ARHGAP15: variants seen among roughly 807,000 people sequenced by gnomAD.
ARHGAP15 encodes rho GTPase-activating protein 15.
Under a neutral mutation model 63.7 loss-of-function variants are expected in ARHGAP15, and 51 were observed. The ratio of observed to expected loss-of-function variants is 0.80; its 90% CI spans 0.64 to 1.01. The LOEUF (loss-of-function observed/expected upper bound fraction) is 1.01. ARHGAP15 is among the 50% of genes least tolerant of loss of function. ARHGAP15 has a pLI of 0.00. For synonymous variants in ARHGAP15, 191 were observed against 193.8 expected (o/e 0.99, Z 0.12); for missense variants, 560 against 564.6 (o/e 0.99, Z 0.08).
chr2:143,443,026 A>G (rs1258698160), intron 8 of ARHGAP15, among the ~76,000 whole-genome samples: 1 of 152,164 alleles, frequency 6.6e-6, no homozygotes, highest in Non-Finnish European at 1.5e-5. Context: ...CTTTCTGGGA[A>G]CTATGTAATT....
At chr2:143,329,351 T>G (rs1257185689) in intron 6 of ARHGAP15, among the ~76,000 whole-genome samples, 1 of 152,194 alleles carries the variant, frequency 6.6e-6, no homozygotes, top group Non-Finnish European at 1.5e-5. Flanking sequence ...AGTCTAGATG[T>G]GAGAGACAAT....
intron 8 of ARHGAP15, among the ~76,000 whole-genome samples, chr2:143,472,818 T>G (rs1007958093): frequency 5.9e-5 from 9 of 152,134 alleles, no homozygotes; most frequent in African/African-American, 2.2e-4. Context: ...ACCAAGATCT[T>G]TTTATCCTTA....
At chr2:143,417,437 T>A (rs1688737981) in intron 6 of ARHGAP15, among the ~76,000 whole-genome samples, 1 of 152,030 alleles carries the variant, frequency 6.6e-6, no homozygotes, top group African/African-American at 2.4e-5. Context: ...ATGAGAGGGG[T>A]GGTTTCAGAT....
In ARHGAP15 at chr2:143,407,231, G is replaced by A. The variant is rs565345007; in HGVS notation, c.475-28370G>A. Among the ~76,000 whole-genome samples the A allele has an allele frequency of 2.6e-5, 4 of 151,870 alleles. No individual in the cohort carries two copies. In the East Asian group the frequency reaches 5.8e-4, roughly 22 times the overall value. ...TTCTTAGTTTAATCTCTTGTGAATAGTGTATTGATAGATATCTCTCTCTCT... is the reference window on the plus strand; with the variant it reads ...TTCTTAGTTTAATCTCTTGTGAATAATGTATTGATAGATATCTCTCTCTCT... On this transcript the variant is annotated intron_variant, in intron 6 of 13. Coordinates refer to ENST00000295095, the MANE Select transcript of ARHGAP15 (RefSeq NM_018460.4).
intron 11 of ARHGAP15, among the ~76,000 whole-genome samples, chr2:143,623,906 G>A (rs1217995856): frequency 6.6e-6 from 1 of 152,064 alleles, no homozygotes; most frequent in African/African-American, 2.4e-5. Flanking sequence ...CTGTCTCTTT[G>A]TGTCTCTTGT....
intron 11 of ARHGAP15, among the ~76,000 whole-genome samples, chr2:143,566,919 G>C (rs544162807): frequency 2.0e-5 from 3 of 150,042 alleles, no homozygotes; most frequent in Admixed American, 2.0e-4. Context: ...ACAGAGTCTC[G>C]CTCTGTCGCC....
intron 2 of ARHGAP15, among the ~76,000 whole-genome samples, chr2:143,193,192 G>T (rs936937651): frequency 5.3e-5 from 8 of 152,192 alleles, no homozygotes; most frequent in African/African-American, 1.9e-4. Context: ...ATTGTCACTT[G>T]TAGTATTATG....
chr2:143,450,351 G>A (rs962870901), intron 8 of ARHGAP15, among the ~76,000 whole-genome samples: 8 of 151,638 alleles, frequency 5.3e-5, no homozygotes, highest in Admixed American at 4.6e-4. Flanking sequence ...AGGTCATTAT[G>A]GAATCATAAG....
intron 6 of ARHGAP15, among the ~76,000 whole-genome samples, chr2:143,308,473 A>G (rs111308709): frequency 5.6e-5 from 4 of 71,786 alleles, no homozygotes; most frequent in Admixed American, 1.7e-4. Context: ...TTGAGTTGAT[A>G]AGAAACACAC....
intron 12 of ARHGAP15, among the ~76,000 whole-genome samples, chr2:143,637,802 A>G (rs910392600): frequency 2.0e-5 from 3 of 152,054 alleles, no homozygotes; most frequent in Admixed American, 6.6e-5. Flanking sequence ...ACAAATCTAC[A>G]TGAAAAAAAC....
At chr2:143,272,578 A>G (rs1443341942) in intron 6 of ARHGAP15, among the ~76,000 whole-genome samples, 3 of 152,166 alleles carry the variant, frequency 2.0e-5, no homozygotes, top group African/African-American at 7.2e-5. Context: ...GCTTGATCCC[A>G]GGAGACAGAG....
intron 10 of ARHGAP15, among the ~76,000 whole-genome samples, chr2:143,549,551 G>A (rs1270195818): frequency 6.6e-6 from 1 of 152,256 alleles, no homozygotes; most frequent in South Asian, 2.1e-4. Context: ...GGGCAGTAAA[G>A]AAAGTAATTC....
intron 3 of ARHGAP15, among the ~76,000 whole-genome samples, chr2:143,207,685 T>C (rs970976559): frequency 2.0e-5 from 3 of 152,106 alleles, no homozygotes; most frequent in African/African-American, 7.2e-5. Context: ...GAATTGAATT[T>C]CTTACTTACT....
At chr2:143,605,216 T>C (rs944748696) in intron 11 of ARHGAP15, among the ~76,000 whole-genome samples, 7 of 152,276 alleles carry the variant, frequency 4.6e-5, no homozygotes, top group African/African-American at 1.7e-4. Flanking sequence ...CAGCTTGTTT[T>C]CACCTATATT....
chr2:143,270,245 A>T (rs576070511), intron 6 of ARHGAP15, among the ~76,000 whole-genome samples: 3 of 152,264 alleles, frequency 2.0e-5, no homozygotes, highest in East Asian at 3.9e-4. Context: ...ATTCTTAACC[A>T]ACTACATATT....
chr2:143,402,892 C>G (rs1015247394), intron 6 of ARHGAP15, among the ~76,000 whole-genome samples: 6 of 151,774 alleles, frequency 4.0e-5, no homozygotes, highest in Admixed American at 6.6e-5. Flanking sequence ...AGCTGTCTAC[C>G]TGGCTAAGGA....
chr2:143,346,175 C>G (rs1243650667), intron 6 of ARHGAP15, among the ~76,000 whole-genome samples: 1 of 45,432 alleles, frequency 2.2e-5, no homozygotes, highest in Non-Finnish European at 4.0e-5. Flanking sequence ...CACACACACT[C>G]TCTCTCTCAC....
At chr2:143,728,693 G>A (rs954954648) in intron 13 of ARHGAP15, among the ~76,000 whole-genome samples, 1 of 152,174 alleles carries the variant, frequency 6.6e-6, no homozygotes, top group Non-Finnish European at 1.5e-5. Flanking sequence ...GAAGGAAGCA[G>A]TTCCTGTGTA....
chr2:143,534,471 A>G (rs10171589), intron 10 of ARHGAP15, among the ~76,000 whole-genome samples: 2 of 152,042 alleles, frequency 1.3e-5, no homozygotes, highest in African/African-American at 4.8e-5. Context: ...TGAGAGAAGT[A>G]CCTGTATTCT....
Sources: allele counts gnomAD v4.1 joint callset (sites outside exome capture counted in the v4.1 genomes callset), GRCh38; gene constraint gnomAD v4.1.1; transcripts MANE v1.5; gene names NCBI Gene and HGNC (gene_info 2026-07-23, HGNC 2026-07-21).